The following SBNO1 variants were observed in gnomAD, a reference collection of about 807,000 sequenced individuals.
The protein encoded by SBNO1 is strawberry notch homolog 1.
SBNO1 carries 23 observed loss-of-function variants against 173.6 expected under a neutral mutation model. That is an observed-to-expected ratio of 0.13 (90% CI 0.10 to 0.19). The LOEUF (loss-of-function observed/expected upper bound fraction) is 0.19. Among genes scored for constraint, SBNO1 ranks in the 10% least tolerant of loss-of-function variants. SBNO1 has a pLI of 1.00. For missense variants in SBNO1, 1,238 were observed against 1,671.2 expected (o/e 0.74, Z 4.52); for synonymous variants, 632 against 571.5 (o/e 1.11, Z -1.51).
chr12:123,321,234 T>C (rs1332978474), intron 17 of SBNO1, among the ~76,000 whole-genome samples: 8 of 152,180 alleles, frequency 5.3e-5, no homozygotes, highest in Non-Finnish European at 8.8e-5. Context: ...CCACCGCGCC[T>C]GGATGAAATT....
chr12:123,342,292 C>CA (rs1003139183), intron 4 of SBNO1, among the ~76,000 whole-genome samples: 36 of 148,978 alleles, frequency 2.4e-4, no homozygotes, highest in South Asian at 6.4e-4. Flanking sequence ...TAAAAAAATA[C>CA]AAAAAAAAAT....
chr12:123,336,402 T>C lies in SBNO1; in HGVS notation c.741A>G (p.Pro247=). 1 of 1,568,108 alleles carries C rather than the reference T, an allele frequency of 6.4e-7. No individual in the cohort carries two copies. The change falls in exon 6 of 32, where the codon CCA becomes CCG. Residue 247 remains proline, a synonymous_variant. Transcript: ENST00000602398. ...GHAETYAEYM[P]IKLKIGLRHP... Reference sequence around the variant, plus strand: ...CAAATCCCGAAGACATACATTTTATTGGCATGTATTCTGCATAGGTTTCTG... The same window carrying C: ...CAAATCCCGAAGACATACATTTTATCGGCATGTATTCTGCATAGGTTTCTG...
chr12:123,362,648 A>G (rs1320455549), intron 1 of SBNO1, among the ~76,000 whole-genome samples: 1 of 151,086 alleles, frequency 6.6e-6, no homozygotes. Context: ...ACATGCCTGC[A>G]ATCCCAGCTA....
At chr12:123,323,229 T>A (rs1331784221) in intron 16 of SBNO1, among the ~76,000 whole-genome samples, 1 of 152,250 alleles carries the variant, frequency 6.6e-6, no homozygotes, top group African/African-American at 2.4e-5. Context: ...TTCAAAATTG[T>A]ACAAGTGACA....
intron 24 of SBNO1, among the ~76,000 whole-genome samples, chr12:123,311,383 C>CT (rs920498405): frequency 2.2e-4 from 33 of 151,410 alleles, no homozygotes; most frequent in African/African-American, 5.1e-4. Flanking sequence ...AGATTCTTTT[C>CT]TTTTTTTTTG....
chr12:123,309,824 T>G lies in SBNO1; in HGVS notation c.3328A>C (p.Ile1110Leu), dbSNP rs1420024277. ...YNNIGKFLNR[I>L]LGMEVHQQNA... ...TGCTGATGCACCTCCATGCCTAAAA[T>G]TCTATTTAAGAATTTTCCTATGTTG... The change falls in exon 26 of 32, where the codon ATT (isoleucine) becomes CTT (leucine). Residue 1110 changes from isoleucine (I) to leucine (L), a missense_variant. Ile to Leu is a conservative substitution (Grantham distance 5). Transcript: ENST00000602398. 1 of 1,607,098 alleles carries G rather than the reference T, an allele frequency of 6.2e-7. No homozygotes were observed. The highest frequency in any genetic ancestry group is 1.3e-5 in the African/African-American group (1 of 74,570).
chr12:123,324,410 C>T (rs757985957), intron 15 of SBNO1, among the ~76,000 whole-genome samples: 1 of 151,990 alleles, frequency 6.6e-6, no homozygotes, highest in Non-Finnish European at 1.5e-5. Context: ...CAACCTCCGC[C>T]GCCTGGGTTC....
intron 29 of SBNO1, chr12:123,304,355 C>T (rs764775837): frequency 1.4e-5 from 5 of 352,386 alleles, no homozygotes; most frequent in Non-Finnish European, 2.1e-5. Flanking sequence ...CTACCTCGGC[C>T]TCCCAAGTGG....
At chr12:123,305,396 A>C (rs79132992) in intron 28 of SBNO1, among the ~76,000 whole-genome samples, 13,352 of 152,286 alleles carry the variant, frequency 0.088, 1,640 homozygotes, top group African/African-American at 0.28. Flanking sequence ...AATGTTGAAC[A>C]AATTGTCCAC....
In SBNO1 at chr12:123,307,020, T is replaced by TAAAAAAAAAAAAAAAAAAA. The variant is rs34105162; in HGVS notation, c.3630+2271_3630+2289dup. On this transcript the variant is annotated intron_variant, in intron 28 of 31. Transcript: ENST00000602398. ...CAACACAGTGAGACATCAACTGCAT[T>TAAAAAAAAAAAAAAAAAAA]AAAAAAAAAAAAAAAAAAAAAAGCC... is the stretch of plus-strand genomic sequence containing the variant. Among the ~76,000 whole-genome samples, 14 of 64,430 alleles carry TAAAAAAAAAAAAAAAAAAA rather than the reference T, an allele frequency of 2.2e-4. 1 individual carries two copies. The highest frequency in any genetic ancestry group is 7.3e-4 in the East Asian group (1 of 1,372). 42.3% of individuals were successfully genotyped at this position (64,430 alleles called of 152,430 possible).
At chr12:123,363,838 G>C (rs997869176) in intron 1 of SBNO1, 2 of 984,714 alleles carry the variant, frequency 2.0e-6, no homozygotes, top group Middle Eastern at 5.2e-4. Context: ...CAAAGCAGGG[G>C]TGGGAAGGGG....
intron 9 of SBNO1, among the ~76,000 whole-genome samples, chr12:123,329,534 TTC>T (rs1297590687): frequency 2.6e-5 from 4 of 152,128 alleles, no homozygotes; most frequent in African/African-American, 7.2e-5. Flanking sequence ...TGTGATTAAT[TTC>T]TGATACATAA....
At chr12:123,351,352 A>C (rs573726297) in intron 1 of SBNO1, among the ~76,000 whole-genome samples, 3 of 152,186 alleles carry the variant, frequency 2.0e-5, no homozygotes, top group Non-Finnish European at 4.4e-5. Context: ...TAGAAAGATT[A>C]CAAGTCTGGG....
intron 7 of SBNO1, 120 bp from the exon 8 acceptor site, chr12:123,331,495 G>T: frequency 2.2e-6 from 2 of 895,232 alleles, no homozygotes; most frequent in South Asian, 2.0e-5. Context: ...TGTATTTTGT[G>T]ACTTTATTTT....
intron 24 of SBNO1, among the ~76,000 whole-genome samples, chr12:123,311,748 A>ATATATATATATT (rs1255479099): frequency 8.2e-5 from 11 of 134,416 alleles, no homozygotes; most frequent in African/African-American, 3.2e-4. Flanking sequence ...ATATATATAT[A>ATATATATATATT]TTTTTGCGAC....
chr12:123,320,937 CT>C, intron 17 of SBNO1, 71 bp from the exon 18 acceptor site: 1 of 1,256,320 alleles, frequency 8.0e-7, no homozygotes, highest in Non-Finnish European at 1.1e-6. Flanking sequence ...AGGAAACAAC[CT>C]TTGAAATTTT....
chr12:123,311,615 A>G (rs963148653), intron 24 of SBNO1, among the ~76,000 whole-genome samples: 1 of 151,730 alleles, frequency 6.6e-6, no homozygotes, highest in African/African-American at 2.4e-5. Flanking sequence ...TCGGCCTCCC[A>G]AAGTGCTGAG....
At chr12:123,336,175 T>C (rs1871816365) in intron 6 of SBNO1, among the ~76,000 whole-genome samples, 1 of 152,198 alleles carries the variant, frequency 6.6e-6, no homozygotes, top group South Asian at 2.1e-4. Flanking sequence ...TTGTATTAAA[T>C]ATCTTAGCTT....
chr12:123,324,798 CTTTA>C (rs1394710823), intron 15 of SBNO1, among the ~76,000 whole-genome samples: 1 of 151,900 alleles, frequency 6.6e-6, no homozygotes, highest in East Asian at 1.9e-4. Context: ...TTAAAGTAGA[CTTTA>C]TTTTATTTTA....
Sources: allele counts gnomAD v4.1 joint callset (sites outside exome capture counted in the v4.1 genomes callset), GRCh38; gene constraint gnomAD v4.1.1; transcripts MANE v1.5; gene names NCBI Gene and HGNC (gene_info 2026-07-23, HGNC 2026-07-21).